Variants in MROH2B observed in about 807,000 individuals in gnomAD.
MROH2B encodes the protein maestro heat-like repeat-containing protein family member 2B.
MROH2B carries 177 observed loss-of-function variants against 208.6 expected under a neutral mutation model. The ratio of observed to expected loss-of-function variants is 0.85; its 90% CI spans 0.75 to 0.96. MROH2B has a LOEUF of 0.96. MROH2B is among the 40% of genes least tolerant of loss of function. The probability of loss-of-function intolerance (pLI) is 0.00; values close to 1 mark genes in which losing one functional copy is unlikely to be tolerated. For synonymous variants in MROH2B, 728 were observed against 659.0 expected (o/e 1.10, Z -1.60); for missense variants, 2,002 against 1,878.7 (o/e 1.07, Z -1.21).
At chr5:41,030,124 A>C (rs325822) in intron 24 of MROH2B, among the ~76,000 whole-genome samples, 18,820 of 151,984 alleles carry the variant, frequency 0.12, 1,435 homozygotes, top group East Asian at 0.26. Context: ...CGAAACACCA[A>C]ACAACTTGAT....
Position 41,065,366 on chromosome 5 carries a change from A to G in MROH2B, c.326T>C (p.Val109Ala). Residue 109 changes from valine to alanine, a missense_variant, in exon 4 of 42, where the codon GTT (valine) becomes GCT (alanine). Physicochemically the swap from Val to Ala is moderately conservative, Grantham distance 64. Coordinates refer to ENST00000399564, the MANE Select transcript of MROH2B (RefSeq NM_173489.5). The stretch of plus-strand genomic sequence containing the variant: ...TGCCAATTCAGCCAGGGCAAGCACA[A>G]CGAATTCATCTGGTAGCTCTAAGAT... ...FRILELPDEF[V>A]VLALAELATS... The G allele has an allele frequency of 6.2e-7, 1 of 1,613,384 alleles. No individual in the cohort carries two copies. The highest frequency in any genetic ancestry group is 8.5e-7 in the Non-Finnish European group (1 of 1,179,586).
chr5:40,998,204 C>A (rs1213480235), intron 41 of MROH2B, 46 bp from the exon 42 acceptor site: 10 of 1,526,080 alleles, frequency 6.6e-6, no homozygotes, highest in Non-Finnish European at 9.0e-6. Flanking sequence ...AGAGTCAGAG[C>A]CCAGCAAGAA....
intron 5 of MROH2B, among the ~76,000 whole-genome samples, chr5:41,064,042 AG>A (rs1157190093): frequency 6.6e-6 from 1 of 152,330 alleles, no homozygotes; most frequent in Non-Finnish European, 1.5e-5. Flanking sequence ...ACCTATGCTA[AG>A]AGCTGGTAAG....
At chr5:41,023,256 GA>G (rs753942776) in intron 24 of MROH2B, among the ~76,000 whole-genome samples, 3 of 152,154 alleles carry the variant, frequency 2.0e-5, no homozygotes, top group African/African-American at 7.2e-5. Context: ...GCTAAAGGAG[GA>G]AGTTCGAACC....
intron 33 of MROH2B, 34 bp downstream of exon 33, chr5:41,008,572 C>G (rs761180654): frequency 4.4e-6 from 7 of 1,607,554 alleles, no homozygotes; most frequent in African/African-American, 2.7e-5. Context: ...GGATTAGGAC[C>G]ACTGTGGAAG....
chr5:41,014,590 A>T (rs560945996), intron 29 of MROH2B, among the ~76,000 whole-genome samples: 7 of 149,928 alleles, frequency 4.7e-5, no homozygotes, highest in Admixed American at 4.6e-4. Context: ...ATATAATAAA[A>T]CAAACAAACA....
intron 22 of MROH2B, 81 bp downstream of exon 22, chr5:41,033,757 T>C: frequency 8.7e-7 from 1 of 1,147,398 alleles, no homozygotes; most frequent in South Asian, 1.5e-5. Context: ...AGGACATCTT[T>C]GCTTGGCACA....
intron 21 of MROH2B, among the ~76,000 whole-genome samples, chr5:41,035,888 G>C (rs191521960): frequency 2.6e-4 from 39 of 152,144 alleles, no homozygotes; most frequent in Non-Finnish European, 4.3e-4. Flanking sequence ...TACACTGTTG[G>C]GGGGAATGTA....
In MROH2B at chr5:41,009,592, CAGAACTTTGTT is replaced by C. The variant is rs1579906397; in HGVS notation, c.3294-197_3294-187del. Among the ~76,000 whole-genome samples the C allele has an allele frequency of 3.3e-5, 5 of 152,174 alleles. No homozygotes were observed. In the East Asian group the frequency reaches 9.6e-4, roughly 29 times the overall value. Reference sequence around the variant, plus strand: ...AATTCAGCATTCTAGCCTTGGGTTACAGAACTTTGTTAAAGTCCACTAAGATGGGAACCTCT... The same window carrying C: ...AATTCAGCATTCTAGCCTTGGGTTACAAAGTCCACTAAGATGGGAACCTCT... On this transcript the variant is annotated intron_variant, in intron 31 of 41. Coordinates refer to ENST00000399564, the MANE Select transcript of MROH2B (RefSeq NM_173489.5).
intron 17 of MROH2B, among the ~76,000 whole-genome samples, chr5:41,047,251 GA>G (rs1743150068): frequency 6.6e-6 from 1 of 152,146 alleles, no homozygotes; most frequent in African/African-American, 2.4e-5. Context: ...ATGGGTGAGA[GA>G]GGAAATTCGT....
chr5:41,008,866 T>G (rs1046990336), intron 32 of MROH2B, 73 bp from the exon 33 acceptor site: 2 of 1,442,974 alleles, frequency 1.4e-6, no homozygotes, highest in African/African-American at 1.4e-5. Flanking sequence ...GGGCTGATTT[T>G]CAACTTTGTT....
At position 41,009,155 on chromosome 5, in the gene MROH2B, G is replaced by A. The variant is rs942047460; in HGVS notation, c.3420+125C>T. The stretch of plus-strand genomic sequence containing the variant: ...AGTAGAGCCACAACTATAAACTGGA[G>A]TAAAGTTAGGGTATGAGAGAAGAAG... On this transcript the variant is annotated intron_variant, in intron 32 of 41. Coordinates refer to ENST00000399564, the MANE Select transcript of MROH2B (RefSeq NM_173489.5). 9.0e-6 allele frequency: 12 copies of A among 1,327,606 alleles called. No homozygotes were observed. The African/African-American group carries it at 1.3e-4, about 15-fold the overall frequency. The allele number at this position is 1,327,606 out of a possible 1,614,324, so 82.2% of individuals were successfully genotyped here.
chr5:41,018,670 T>A (rs749149427), intron 26 of MROH2B, 21 bp downstream of exon 26: 2 of 1,607,242 alleles, frequency 1.2e-6, no homozygotes, highest in East Asian at 2.2e-5. Flanking sequence ...GAGAATCAGT[T>A]TGAGTGGAGG....
intron 37 of MROH2B, among the ~76,000 whole-genome samples, 172 bp downstream of exon 37, chr5:41,004,174 C>A (rs979528237): frequency 1.3e-5 from 2 of 152,198 alleles, no homozygotes; most frequent in Non-Finnish European, 2.9e-5. Context: ...CACCCTCAGG[C>A]AGAGAGATAC....
chr5:41,058,468 AT>A (rs1041292642), intron 6 of MROH2B, among the ~76,000 whole-genome samples: 1 of 151,552 alleles, frequency 6.6e-6, no homozygotes, highest in South Asian at 2.1e-4. Flanking sequence ...ATTTTATTGT[AT>A]TTTTTTGAAA....
At chr5:41,070,388 C>A (rs1196290659) in intron 1 of MROH2B, among the ~76,000 whole-genome samples, 3 of 152,232 alleles carry the variant, frequency 2.0e-5, no homozygotes, top group Admixed American at 6.5e-5. Flanking sequence ...AGCTACATGG[C>A]AAGTTGGTAG....
In MROH2B at chr5:41,058,086, C is replaced by T. The variant is rs750699963; in HGVS notation, c.733G>A (p.Glu245Lys). The change falls in exon 7 of 42, where the codon GAG (glutamate) becomes AAG (lysine). Residue 245 changes from glutamate to lysine, a missense_variant. Glu to Lys is a moderately conservative substitution (Grantham distance 56, BLOSUM62 1). Coordinates refer to ENST00000399564, the MANE Select transcript of MROH2B (RefSeq NM_173489.5). ...PWLLNQYKDK[E>K]IDFHVTQSLK... Reference sequence around the variant, plus strand: ...ACCTGAGTGACATGGAAATCAATCTCTTTGTCTTTATACTGGTTCAGGAGC... The same window carrying T: ...ACCTGAGTGACATGGAAATCAATCTTTTTGTCTTTATACTGGTTCAGGAGC... The T allele has an allele frequency of 1.9e-6, 3 of 1,595,574 alleles. No individual in the cohort carries two copies. The highest frequency in any genetic ancestry group is 1.8e-5 in the Admixed American group (1 of 56,938).
chr5:41,010,171 G>T, intron 30 of MROH2B, 92 bp from the exon 31 acceptor site: 1 of 1,160,526 alleles, frequency 8.6e-7, no homozygotes, highest in Non-Finnish European at 1.2e-6. Context: ...ATGGGCAGCT[G>T]ATGAATTCTA....
rs533512785 is a variant in MROH2B, at chr5:41,043,461, C to A, written c.1837-1253G>T. Among the ~76,000 whole-genome samples the A allele has an allele frequency of 2.0e-5, 3 of 152,294 alleles. No homozygotes were observed. The East Asian group carries it at 5.8e-4, about 29-fold the overall frequency. On this transcript the variant is annotated intron_variant, in intron 18 of 41. Transcript: ENST00000399564. ...AAGACTGGAAAGAATCTGGGAAAGTCTTGTGCTGCAGAAAAAAATTGGTCA... is the reference window on the plus strand; with the variant it reads ...AAGACTGGAAAGAATCTGGGAAAGTATTGTGCTGCAGAAAAAAATTGGTCA...
Sources: allele counts gnomAD v4.1 joint callset (sites outside exome capture counted in the v4.1 genomes callset), GRCh38; gene constraint gnomAD v4.1.1; transcripts MANE v1.5; gene names NCBI Gene and HGNC (gene_info 2026-07-23, HGNC 2026-07-21).